The following KLF17 variants were observed in gnomAD, a reference collection of about 807,000 sequenced individuals.
KLF17 encodes the protein Krueppel-like factor 17.
In KLF17, 31 loss-of-function variants were observed where a neutral mutation model predicts 34.2. That is an observed-to-expected ratio of 0.91 (90% CI 0.68 to 1.22). The LOEUF is 1.22. KLF17 is among the 50% of genes most tolerant of loss of function. The pLI is 0.00. For synonymous variants in KLF17, 179 were observed against 186.7 expected, an observed-to-expected ratio of 0.96 and a Z score of 0.34; for missense variants, 478 against 505.2, an observed-to-expected ratio of 0.95 and a Z score of 0.52.
At chr1:44,050,777 C>A in the KLF17 span, among the ~76,000 whole-genome samples, 1 of 152,122 alleles carries the variant, frequency 6.6e-6, no homozygotes. Context: ...ATTAGCCAGG[C>A]GTGGTGGTGT....
At chr1:44,110,196 T>C in the KLF17 span, among the ~76,000 whole-genome samples, 1 of 152,164 alleles carries the variant, frequency 6.6e-6, no homozygotes, top group African/African-American at 2.4e-5. Context: ...CGTGGGCCAC[T>C]GGGCCTGGCC....
chr1:44,078,571 G>A, the KLF17 span, among the ~76,000 whole-genome samples: 1 of 151,964 alleles, frequency 6.6e-6, no homozygotes, highest in African/African-American at 2.4e-5. Flanking sequence ...CTGAGTAGCT[G>A]GGACTATAGG....
chr1:44,132,345 A>G (rs2088121669), intron 3 of KLF17, among the ~76,000 whole-genome samples: 2 of 152,060 alleles, frequency 1.3e-5, no homozygotes, highest in African/African-American at 2.4e-5. Flanking sequence ...AATGGGAGAT[A>G]GGTGAGACTC....
the KLF17 span, among the ~76,000 whole-genome samples, chr1:44,095,987 G>A: frequency 1.2e-3 from 181 of 152,166 alleles, 2 homozygotes; most frequent in East Asian, 0.019. Context: ...TGTTGCCAAG[G>A]CTGGAGTGCA....
chr1:44,096,718 A>AT, the KLF17 span, among the ~76,000 whole-genome samples: 1 of 151,762 alleles, frequency 6.6e-6, no homozygotes, highest in Non-Finnish European at 1.5e-5. Flanking sequence ...TTAAAAAAAA[A>AT]TTTTTTTAAT....
At chr1:44,124,804 A>G (rs2087990233) in intron 1 of KLF17, among the ~76,000 whole-genome samples, 1 of 151,900 alleles carries the variant, frequency 6.6e-6, no homozygotes, top group African/African-American at 2.4e-5. Flanking sequence ...CCCCTTTTGT[A>G]TGTATTCTCT....
chr1:44,079,617 T>C, the KLF17 span, among the ~76,000 whole-genome samples: 1,176 of 152,234 alleles, frequency 7.7e-3, 13 homozygotes, highest in Middle Eastern at 0.051. Flanking sequence ...TAATTCTTTA[T>C]ATTAAAATTT....
chr1:44,130,642 C>A lies in KLF17; in HGVS notation c.1056C>A (p.Phe352Leu), dbSNP rs139118447. 2.7e-5 allele frequency: 44 copies of A among 1,614,026 alleles called. No homozygotes were observed. In the African/African-American group the frequency reaches 5.7e-4, roughly 21 times the overall value. ...PYKCDQCSRE[F>L]MRSDHLKQHQ... ...AATGTGATCAGTGCAGCCGGGAGTT[C>A]ATGAGGTCTGACCATCTCAAGCAAC... The change falls in exon 3 of 4, where the codon TTC becomes TTA. Residue 352 changes from phenylalanine (F) to leucine (L), a missense_variant. Physicochemically the swap from Phe to Leu is conservative, Grantham distance 22 (BLOSUM62 0). Transcript: ENST00000372299.
the KLF17 span, among the ~76,000 whole-genome samples, chr1:44,066,994 C>T: frequency 6.6e-6 from 1 of 152,178 alleles, no homozygotes; most frequent in African/African-American, 2.4e-5. Flanking sequence ...ATGACGTTCT[C>T]AAATAGTGGT....
intron 1 of KLF17, among the ~76,000 whole-genome samples, chr1:44,120,344 T>C (rs529923211): frequency 1.3e-5 from 2 of 152,260 alleles, no homozygotes; most frequent in South Asian, 2.1e-4. Flanking sequence ...ACCACTGGCA[T>C]GGGGAAGCTT....
rs1255619127 is a variant in KLF17, at chr1:44,130,593, T to G, written c.1007T>G (p.Val336Gly). Residue 336 changes from valine (V) to glycine (G), a missense_variant, in exon 3 of 4, where the codon GTA (valine) becomes GGA (glycine). Physicochemically the swap from Val to Gly is moderately radical, Grantham distance 109 (BLOSUM62 -3). Transcript: ENST00000372299. ...RSDELRRHMR[V>G]HTRYRPYKCD... The stretch of plus-strand genomic sequence containing the variant: ...GATGAGCTTAGACGACATATGCGGG[T>G]ACACACCAGATATCGACCATATAAA... 1 of 1,614,054 alleles carries G rather than the reference T, an allele frequency of 6.2e-7. No individual in the cohort carries two copies. The highest frequency in any genetic ancestry group is 1.3e-5 in the African/African-American group (1 of 74,996).
chr1:44,076,808 T>A, the KLF17 span: 1 of 151,370 alleles, frequency 6.6e-6, no homozygotes, highest in Non-Finnish European at 1.5e-5. Context: ...CACTGAAACC[T>A]CGAACTCCTG....
the KLF17 span, among the ~76,000 whole-genome samples, chr1:44,046,375 G>A: frequency 1.9e-3 from 288 of 151,862 alleles, no homozygotes; most frequent in African/African-American, 5.8e-3. Flanking sequence ...ATGCCACTAC[G>A]CCTGGCTAAT....
chr1:44,104,019 C>A, the KLF17 span: 1 of 860,324 alleles, frequency 1.2e-6, no homozygotes, highest in Admixed American at 1.7e-5. Flanking sequence ...GTCCATGGAG[C>A]GGCTGTTGTC....
At chr1:44,079,269 C>G in the KLF17 span, among the ~76,000 whole-genome samples, 2 of 151,582 alleles carry the variant, frequency 1.3e-5, no homozygotes, top group Admixed American at 1.3e-4. Context: ...TTTAGTTAAC[C>G]CCTTGTGACT....
At chr1:44,126,045 A>G (rs1215258105) in intron 1 of KLF17, among the ~76,000 whole-genome samples, 5 of 148,320 alleles carry the variant, frequency 3.4e-5, no homozygotes, top group Non-Finnish European at 7.4e-5. Flanking sequence ...TTTTTTTGAG[A>G]CAGAGTCTTG....
chr1:44,080,479 A>C, the KLF17 span, among the ~76,000 whole-genome samples: 3,105 of 148,732 alleles, frequency 0.021, 61 homozygotes, highest in African/African-American at 0.049. Context: ...ACCTCGTGAT[A>C]TGCCCGCCTT....
At chr1:44,112,867 G>A in the KLF17 span, among the ~76,000 whole-genome samples, 1 of 152,198 alleles carries the variant, frequency 6.6e-6, no homozygotes, top group Non-Finnish European at 1.5e-5. Flanking sequence ...CTCTTCATTT[G>A]ACAAAGGGTT....
intron 1 of KLF17, among the ~76,000 whole-genome samples, chr1:44,120,020 T>C (rs759484740): frequency 6.6e-6 from 1 of 152,134 alleles, no homozygotes; most frequent in Non-Finnish European, 1.5e-5. Flanking sequence ...TGGAGATGTT[T>C]TGGAGGCAGA....
Sources: allele counts gnomAD v4.1 joint callset (sites outside exome capture counted in the v4.1 genomes callset), GRCh38; gene constraint gnomAD v4.1.1; transcripts MANE v1.5; gene names NCBI Gene and HGNC (gene_info 2026-07-23, HGNC 2026-07-21).